The following GLIS3 variants were observed in gnomAD, a reference collection of about 807,000 sequenced individuals.
The protein encoded by GLIS3 is GLIS family zinc finger 3.
GLIS3 carries 53 observed loss-of-function variants against 78.6 expected under a neutral mutation model. That is an observed-to-expected ratio of 0.67 (90% CI 0.54 to 0.85). The LOEUF (loss-of-function observed/expected upper bound fraction) is 0.85, where lower values mean the gene tolerates loss of function less well. Among genes scored for constraint, GLIS3 ranks in the 40% least tolerant of loss-of-function variants. The pLI is 0.00. For missense variants in GLIS3, 1,703 were observed against 1,231.1 expected, an observed-to-expected ratio of 1.38 and a Z score of -5.74; for synonymous variants, 684 against 509.9, an observed-to-expected ratio of 1.34 and a Z score of -4.60.
chr9:4,278,590 A>T (rs1367565201), intron 2 of GLIS3, among the ~76,000 whole-genome samples: 1 of 152,228 alleles, frequency 6.6e-6, no homozygotes, highest in Non-Finnish European at 1.5e-5. Context: ...GAGAAGGGAG[A>T]GAAACTCCTC....
intron 9 of GLIS3, among the ~76,000 whole-genome samples, chr9:3,834,144 T>C (rs1434426235): frequency 1.3e-5 from 2 of 152,208 alleles, no homozygotes; most frequent in East Asian, 3.8e-4. Flanking sequence ...AGAAGGCTTT[T>C]TCTTTTTCTT....
chr9:4,209,635 A>G (rs1470394989), intron 2 of GLIS3, among the ~76,000 whole-genome samples: 1 of 152,110 alleles, frequency 6.6e-6, no homozygotes, highest in East Asian at 1.9e-4. Context: ...TTGTCAGGAG[A>G]GGCTCACTGC....
chr9:3,839,826 T>C (rs1218262183), intron 9 of GLIS3, among the ~76,000 whole-genome samples: 1 of 152,214 alleles, frequency 6.6e-6, no homozygotes, highest in Non-Finnish European at 1.5e-5. Flanking sequence ...AAAGTGCAGA[T>C]ATTCTCATTA....
intron 4 of GLIS3, among the ~76,000 whole-genome samples, chr9:4,054,822 C>G (rs532501881): frequency 6.6e-6 from 1 of 151,944 alleles, no homozygotes; most frequent in African/African-American, 2.4e-5. Flanking sequence ...GAGAAACTGT[C>G]AGTTTTCCAC....
chr9:4,078,785 G>A (rs1366665999), intron 4 of GLIS3, among the ~76,000 whole-genome samples: 2 of 152,134 alleles, frequency 1.3e-5, no homozygotes, highest in African/African-American at 4.8e-5. Context: ...TTTGGCTCCA[G>A]GCTGTCCTTT....
chr9:4,236,311 T>C (rs1441553132), intron 2 of GLIS3, among the ~76,000 whole-genome samples: 1 of 152,058 alleles, frequency 6.6e-6, no homozygotes, highest in East Asian at 1.9e-4. Context: ...TAAACATGTT[T>C]GTGGTTTACA....
At chr9:4,339,491 T>C (rs1418527257) in intron 2 of GLIS3, among the ~76,000 whole-genome samples, 1 of 151,898 alleles carries the variant, frequency 6.6e-6, no homozygotes, top group African/African-American at 2.4e-5. Flanking sequence ...ACAGCCTTGT[T>C]TTTTGAAGGG....
At chr9:4,059,302 G>A (rs951050763) in intron 4 of GLIS3, among the ~76,000 whole-genome samples, 6 of 151,612 alleles carry the variant, frequency 4.0e-5, no homozygotes, top group Non-Finnish European at 8.8e-5. Flanking sequence ...TGCTTTTTAA[G>A]TCATTAAAAT....
intron 2 of GLIS3, among the ~76,000 whole-genome samples, chr9:4,276,004 C>T (rs945203797): frequency 1.3e-5 from 2 of 151,738 alleles, no homozygotes; most frequent in Admixed American, 6.6e-5. Flanking sequence ...ACAGGTTAGC[C>T]AGGAGCAGTG....
intron 2 of GLIS3, among the ~76,000 whole-genome samples, chr9:4,129,193 G>A (rs1225248363): frequency 2.0e-5 from 3 of 152,192 alleles, no homozygotes; most frequent in African/African-American, 7.2e-5. Context: ...AGACTTCTCA[G>A]AATTGTGCAG....
chr9:3,846,174 C>G (rs1286616638), intron 9 of GLIS3, among the ~76,000 whole-genome samples: 1 of 152,162 alleles, frequency 6.6e-6, no homozygotes, highest in Non-Finnish European at 1.5e-5. Flanking sequence ...GAATGTTAAC[C>G]CTATAAGGAA....
chr9:4,090,938 G>C (rs1473596437), intron 4 of GLIS3, among the ~76,000 whole-genome samples: 1 of 152,158 alleles, frequency 6.6e-6, no homozygotes, highest in African/African-American at 2.4e-5. Context: ...CCCTGGCTCA[G>C]CCATTTTCTA....
At chr9:4,103,922 A>G (rs1342047139) in intron 4 of GLIS3, among the ~76,000 whole-genome samples, 1 of 152,102 alleles carries the variant, frequency 6.6e-6, no homozygotes, top group East Asian at 1.9e-4. Flanking sequence ...AAGGTGGAGT[A>G]AGGGTAACAC....
chr9:4,399,077 A>G, the GLIS3 span, among the ~76,000 whole-genome samples: 4 of 152,142 alleles, frequency 2.6e-5, no homozygotes, highest in Admixed American at 2.0e-4. Context: ...TACGATAACA[A>G]CCACTTCCTA....
chr9:4,195,147 C>T (rs1021880274), intron 2 of GLIS3, among the ~76,000 whole-genome samples: 3 of 152,240 alleles, frequency 2.0e-5, no homozygotes, highest in Admixed American at 6.5e-5. Flanking sequence ...AACATGCTGG[C>T]GGCCTTTGCT....
chr9:4,232,660 G>A (rs1822375974), intron 2 of GLIS3, among the ~76,000 whole-genome samples: 2 of 152,108 alleles, frequency 1.3e-5, no homozygotes, highest in South Asian at 4.1e-4. Flanking sequence ...CAAAACAAAA[G>A]TAGTTATTAT....
At chr9:3,892,209 C>G (rs1480006457) in intron 7 of GLIS3, among the ~76,000 whole-genome samples, 18 of 151,886 alleles carry the variant, frequency 1.2e-4, no homozygotes, top group African/African-American at 4.4e-4. Flanking sequence ...AGGAGCAAAC[C>G]CAGGTCACAG....
At chr9:3,872,189 C>T (rs542780278) in intron 8 of GLIS3, among the ~76,000 whole-genome samples, 14 of 152,280 alleles carry the variant, frequency 9.2e-5, no homozygotes, top group East Asian at 3.9e-4. Flanking sequence ...CTTTATTGTC[C>T]GTATCTCTAT....
intron 4 of GLIS3, among the ~76,000 whole-genome samples, chr9:4,044,371 G>A (rs949355208): frequency 2.6e-5 from 4 of 152,140 alleles, no homozygotes; most frequent in Admixed American, 2.6e-4. Flanking sequence ...CCCTTAGCAC[G>A]TCAACATTTG....
Sources: gnomAD v4.1 joint callset for allele counts (sites outside exome capture counted in the v4.1 genomes callset) on GRCh38, gnomAD v4.1.1 for gene constraint, MANE v1.5 for transcripts, NCBI Gene and HGNC (gene_info 2026-07-23, HGNC 2026-07-21) for gene names.